The following MXI1 variants were observed in gnomAD, a reference collection of about 807,000 sequenced individuals.
MXI1 encodes the protein max-interacting protein 1.
MXI1 carries 18 observed loss-of-function variants against 36.9 expected under a neutral mutation model. That is an observed-to-expected ratio of 0.49 (90% CI 0.34 to 0.72). The LOEUF (loss-of-function observed/expected upper bound fraction) is 0.72, where lower values mean the gene tolerates loss of function less well. Among genes scored for constraint, MXI1 ranks in the 30% least tolerant of loss-of-function variants. The probability of loss-of-function intolerance (pLI) is 0.01; values close to 1 mark genes in which losing one functional copy is unlikely to be tolerated. For missense variants in MXI1, 304 were observed against 379.1 expected (o/e 0.80, Z 1.64); for synonymous variants, 160 against 146.7 (o/e 1.09, Z -0.65).
At position 110,260,419 on chromosome 10, in the gene MXI1, GTGT is replaced by G. The variant is rs1564720400; in HGVS notation, c.437+15563_437+15565del. 2.3e-3 allele frequency among the ~76,000 whole-genome samples: 19 copies of G among 8,132 alleles called. No individual in the cohort carries two copies. The East Asian group carries it at 0.19, about 82-fold the overall frequency. 5.3% of individuals were successfully genotyped at this position (8,132 alleles called of 152,430 possible). On this transcript the variant is annotated intron_variant, in intron 3 of 5. Transcript: ENST00000332674. The stretch of plus-strand genomic sequence containing the variant: ...CTGAAGCATTTTCCTTGATACAGGT[GTGT>G]GTGTGTGTGTGTGTGTGTGTGTGTG...
chr10:110,284,873 G>A lies in MXI1; in HGVS notation c.774G>A (p.Val258=). Residue 258 remains valine (V), a synonymous_variant, in exon 6 of 6, where the codon GTG becomes GTA. Coordinates refer to ENST00000332674, the MANE Select transcript of MXI1 (RefSeq NM_130439.3). ...VESTEFSHGE[V]DNISTTSISD... ...GCACAGAGTTCTCCCATGGAGAAGT[G>A]GACAATATAAGTACCACCAGCATCA... 1 of 1,613,588 alleles carries A rather than the reference G, an allele frequency of 6.2e-7. No homozygotes were observed. The highest frequency in any genetic ancestry group is 2.2e-5 in the East Asian group (1 of 44,860).
chr10:110,253,528 C>G (rs1856176467), intron 3 of MXI1, among the ~76,000 whole-genome samples: 1 of 151,968 alleles, frequency 6.6e-6, no homozygotes, highest in Non-Finnish European at 1.5e-5. Flanking sequence ...TGTACACATT[C>G]TACAAAAAAA....
intron 1 of MXI1, among the ~76,000 whole-genome samples, chr10:110,224,973 C>T (rs563489419): frequency 1.3e-5 from 2 of 152,262 alleles, no homozygotes; most frequent in East Asian, 3.9e-4. Flanking sequence ...ATGTGGTCTC[C>T]GCTCTCTAAC....
At chr10:110,260,512 CAT>C (rs1413841404) in intron 3 of MXI1, among the ~76,000 whole-genome samples, 13 of 151,306 alleles carry the variant, frequency 8.6e-5, no homozygotes, top group Non-Finnish European at 1.2e-4. Flanking sequence ...CACACACACA[CAT>C]GAAATGAAAG....
intron 3 of MXI1, among the ~76,000 whole-genome samples, chr10:110,245,566 G>A (rs1018827179): frequency 2.6e-5 from 4 of 152,162 alleles, no homozygotes; most frequent in Non-Finnish European, 5.9e-5. Flanking sequence ...AACTGCAAAA[G>A]GTTCAGTGTG....
chr10:110,223,499 G>T (rs1207108826), intron 1 of MXI1, among the ~76,000 whole-genome samples: 2 of 152,036 alleles, frequency 1.3e-5, no homozygotes, highest in African/African-American at 4.8e-5. Flanking sequence ...GAGAACCCGG[G>T]AGGTGGAGGT....
intron 1 of MXI1, among the ~76,000 whole-genome samples, chr10:110,221,927 G>A (rs961125647): frequency 2.0e-5 from 3 of 152,172 alleles, no homozygotes; most frequent in African/African-American, 4.8e-5. Context: ...AGCCCTGGGA[G>A]GCGGCAGCTA....
intron 3 of MXI1, among the ~76,000 whole-genome samples, chr10:110,268,375 G>A (rs985243929): frequency 6.6e-6 from 1 of 152,020 alleles, no homozygotes; most frequent in African/African-American, 2.4e-5. Context: ...ATCTTTTCCT[G>A]GGCTTTTCTA....
chr10:110,274,498 C>A (rs1211979976), intron 3 of MXI1, among the ~76,000 whole-genome samples: 1 of 152,060 alleles, frequency 6.6e-6, no homozygotes, highest in Non-Finnish European at 1.5e-5. Flanking sequence ...TTTACTATAA[C>A]TCATGCTAAA....
At position 110,208,270 on chromosome 10, in the gene MXI1, CGGGCGAGG is replaced by C. The variant is rs939701621; in HGVS notation, c.274+192_274+199del. 21 of 546,834 alleles carry C rather than the reference CGGGCGAGG, an allele frequency of 3.8e-5. No homozygotes were observed. In the Middle Eastern group the frequency reaches 1.5e-3, roughly 40 times the overall value. 33.9% of individuals were successfully genotyped at this position (546,834 alleles called of 1,614,324 possible). On this transcript the variant is annotated intron_variant, in intron 1 of 5. Coordinates refer to ENST00000332674, the MANE Select transcript of MXI1 (RefSeq NM_130439.3). ...AAAGCTGCTAAAGATGTAACAAAGACGGGCGAGGGGGAGAGGGGCCTGTCGGTGCGTCG... is the reference window on the plus strand; with the variant it reads ...AAAGCTGCTAAAGATGTAACAAAGACGGGAGAGGGGCCTGTCGGTGCGTCG...
intron 2 of MXI1, among the ~76,000 whole-genome samples, chr10:110,228,964 A>G (rs1177099695): frequency 6.6e-6 from 1 of 152,248 alleles, no homozygotes; most frequent in African/African-American, 2.4e-5. Flanking sequence ...TTACGCCTGT[A>G]ATTCCAGCAC....
chr10:110,250,891 T>C (rs928580268), intron 3 of MXI1, among the ~76,000 whole-genome samples: 6 of 150,234 alleles, frequency 4.0e-5, no homozygotes, highest in African/African-American at 1.2e-4. Flanking sequence ...ACCTTAGTGC[T>C]GACTGCAGGA....
chr10:110,211,741 G>A (rs528534793), intron 1 of MXI1, among the ~76,000 whole-genome samples: 7 of 152,138 alleles, frequency 4.6e-5, no homozygotes, highest in Non-Finnish European at 8.8e-5. Context: ...TTGACTGTCT[G>A]CTGTGTGCAA....
intron 1 of MXI1, among the ~76,000 whole-genome samples, chr10:110,215,641 G>A (rs1487666696): frequency 2.0e-5 from 3 of 152,184 alleles, no homozygotes; most frequent in Non-Finnish European, 4.4e-5. Flanking sequence ...GGTGTGTCCG[G>A]TTATTGCAAA....
intron 3 of MXI1, among the ~76,000 whole-genome samples, chr10:110,253,283 T>G (rs1856165539): frequency 6.6e-6 from 1 of 152,058 alleles, no homozygotes; most frequent in Non-Finnish European, 1.5e-5. Context: ...CTGCCTATCG[T>G]GTCCCCATTT....
At chr10:110,254,112 G>A (rs1856198096) in intron 3 of MXI1, among the ~76,000 whole-genome samples, 1 of 152,028 alleles carries the variant, frequency 6.6e-6, no homozygotes, top group Admixed American at 6.6e-5. Context: ...ATTGCACTTT[G>A]CAGATACTGC....
In MXI1 at chr10:110,279,363, A is replaced by T. The variant is rs551457199; in HGVS notation, c.552+69A>T. On this transcript the variant is annotated intron_variant, in intron 4 of 5. Coordinates refer to ENST00000332674, the MANE Select transcript of MXI1 (RefSeq NM_130439.3). Reference sequence around the variant, plus strand: ...GGTTTAATTATTGGCACTGATTCCTATTCATATACATCAGCTAGTTCACCA... The same window carrying T: ...GGTTTAATTATTGGCACTGATTCCTTTTCATATACATCAGCTAGTTCACCA... The T allele has an allele frequency of 3.9e-6, 5 of 1,282,188 alleles. 1 individual carries two copies. The South Asian group carries it at 6.0e-5, about 15-fold the overall frequency. The allele number at this position is 1,282,188 out of a possible 1,614,324, so 79.4% of individuals were successfully genotyped here. A position where few individuals can be genotyped will look rare whatever the true frequency, so the allele number is the denominator to read the frequency against.
intron 3 of MXI1, among the ~76,000 whole-genome samples, chr10:110,268,160 T>C (rs143855881): frequency 6.6e-6 from 1 of 152,274 alleles, no homozygotes; most frequent in East Asian, 1.9e-4. Flanking sequence ...GGTAACAAAA[T>C]AAAACATGTT....
chr10:110,228,065 T>A (rs938675093), intron 1 of MXI1, 124 bp from the exon 2 acceptor site: 2 of 1,053,986 alleles, frequency 1.9e-6, no homozygotes, highest in African/African-American at 1.6e-5. Context: ...CCAAAAAGAG[T>A]GGAAACATTT....
Sources: gnomAD v4.1 joint callset for allele counts (sites outside exome capture counted in the v4.1 genomes callset) on GRCh38, gnomAD v4.1.1 for gene constraint, MANE v1.5 for transcripts, NCBI Gene and HGNC (gene_info 2026-07-23, HGNC 2026-07-21) for gene names.